The following DLG2 variants were observed in gnomAD, a reference collection of about 807,000 sequenced individuals.
The protein encoded by DLG2 is discs large MAGUK scaffold protein 2.
In DLG2, 45 loss-of-function variants were observed where a neutral mutation model predicts 132.5. The ratio of observed to expected loss-of-function variants is 0.34; its 90% CI spans 0.27 to 0.44. DLG2 has a LOEUF of 0.44. Among genes scored for constraint, DLG2 ranks in the 20% least tolerant of loss-of-function variants. The pLI is 1.00. For missense variants in DLG2, 1,045 were observed against 1,196.9 expected, an observed-to-expected ratio of 0.87 and a Z score of 1.87; for synonymous variants, 424 against 419.6, an observed-to-expected ratio of 1.01 and a Z score of -0.13.
At chr11:83,984,678 ATTT>A (rs201974720) in intron 11 of DLG2, among the ~76,000 whole-genome samples, 1 of 151,916 alleles carries the variant, frequency 6.6e-6, no homozygotes, top group Non-Finnish European at 1.5e-5. Flanking sequence ...AATGTAAAGA[ATTT>A]TTTTTCCATT....
At chr11:83,731,294 C>A (rs540907432) in intron 18 of DLG2, among the ~76,000 whole-genome samples, 6 of 152,162 alleles carry the variant, frequency 3.9e-5, no homozygotes, top group South Asian at 2.1e-4. Flanking sequence ...CCTCTCCCCC[C>A]AGCCCCTGAC....
chr11:83,589,578 T>C (rs1466179605), intron 19 of DLG2, among the ~76,000 whole-genome samples: 1 of 144,820 alleles, frequency 6.9e-6, no homozygotes, highest in Non-Finnish European at 1.5e-5. Flanking sequence ...AGAAACTGCA[T>C]CAACTAACGA....
chr11:83,553,511 T>C (rs2096444514), intron 19 of DLG2, among the ~76,000 whole-genome samples: 1 of 149,902 alleles, frequency 6.7e-6, no homozygotes, highest in African/African-American at 2.5e-5. Context: ...TGTGTGTGTG[T>C]GTGTGTGTGT....
rs546473399 is a variant in DLG2, at chr11:84,011,486, T to C, written c.920-30844A>G. Among the ~76,000 whole-genome samples the C allele has an allele frequency of 3.3e-5, 5 of 151,702 alleles. No individual in the cohort carries two copies. The East Asian group carries it at 9.7e-4, about 29-fold the overall frequency. On this transcript the variant is annotated intron_variant, in intron 11 of 27. Coordinates refer to ENST00000376104, the MANE Select transcript of DLG2 (RefSeq NM_001142699.3). Reference sequence around the variant, plus strand: ...GCCTCATCTCTAATAAATAAATAAATAAATTAATTAATTAATTAATAACAA... The same window carrying C: ...GCCTCATCTCTAATAAATAAATAAACAAATTAATTAATTAATTAATAACAA...
chr11:83,754,065 C>T (rs2093546475), intron 18 of DLG2, among the ~76,000 whole-genome samples: 1 of 149,868 alleles, frequency 6.7e-6, no homozygotes, highest in Admixed American at 6.6e-5. Context: ...TGCTTTTGCC[C>T]TAAACATGGA....
At chr11:84,330,077 C>A (rs2098451798) in intron 7 of DLG2, among the ~76,000 whole-genome samples, 1 of 152,048 alleles carries the variant, frequency 6.6e-6, no homozygotes, top group Admixed American at 6.6e-5. Flanking sequence ...TAGCACATTA[C>A]CTGGCACATA....
intron 7 of DLG2, among the ~76,000 whole-genome samples, chr11:84,287,776 A>ACT (rs2097926419): frequency 1.3e-5 from 2 of 151,000 alleles, no homozygotes; most frequent in Non-Finnish European, 1.5e-5. Context: ...ACACACACAC[A>ACT]CACAAATACT....
intron 3 of DLG2, among the ~76,000 whole-genome samples, chr11:85,447,178 G>A (rs1275371680): frequency 6.6e-6 from 1 of 152,088 alleles, no homozygotes; most frequent in Non-Finnish European, 1.5e-5. Flanking sequence ...CACCCATACT[G>A]ATAATCTAGC....
chr11:83,759,946 G>A (rs1290080331), intron 18 of DLG2, among the ~76,000 whole-genome samples: 1 of 152,110 alleles, frequency 6.6e-6, no homozygotes, highest in African/African-American at 2.4e-5. Context: ...TGAAGCTCCC[G>A]AAGATGTTTT....
rs370781950 is a variant in DLG2, at chr11:84,513,886, C to A, written c.519+20684G>T. Among the ~76,000 whole-genome samples the A allele has an allele frequency of 2.9e-3, 442 of 151,594 alleles. 2 individuals are homozygous for A. The highest frequency in any genetic ancestry group is 0.01 in the African/African-American group (432 of 41,332). On this transcript the variant is annotated intron_variant, in intron 7 of 27. Coordinates refer to ENST00000376104, the MANE Select transcript of DLG2 (RefSeq NM_001142699.3). ...AAAGCAACACAGCAAAGGAAACAAT[C>A]AAAAAAGTGAAGAGATAAACCACAA...
chr11:85,237,011 A>ACACAGAGCC (rs1491356196), intron 4 of DLG2, among the ~76,000 whole-genome samples: 2 of 152,088 alleles, frequency 1.3e-5, no homozygotes, highest in Non-Finnish European at 2.9e-5. Context: ...ATGTGTGGAG[A>ACACAGAGCC]CACAGAGCCC....
At chr11:83,646,811 G>A (rs542529012) in intron 18 of DLG2, 3 of 152,136 alleles carry the variant, frequency 2.0e-5, no homozygotes, top group African/African-American at 7.2e-5. Context: ...TGATATTCCA[G>A]GTGTGATCTA....
intron 3 of DLG2, among the ~76,000 whole-genome samples, chr11:85,587,817 C>T (rs1426096122): frequency 6.6e-6 from 1 of 152,102 alleles, no homozygotes; most frequent in Non-Finnish European, 1.5e-5. Flanking sequence ...TAACGAGGTT[C>T]TATTTTGGTG....
chr11:85,015,180 T>C (rs536802305), intron 6 of DLG2, among the ~76,000 whole-genome samples: 1 of 152,276 alleles, frequency 6.6e-6, no homozygotes, highest in African/African-American at 2.4e-5. Context: ...AAACTGAGTA[T>C]CTCCCTTTGT....
intron 3 of DLG2, among the ~76,000 whole-genome samples, chr11:85,544,525 G>T (rs185133428): frequency 2.6e-4 from 39 of 152,220 alleles, no homozygotes; most frequent in Admixed American, 2.1e-3. Context: ...CCAATTCTGG[G>T]AAAAAAGTCA....
At chr11:84,435,194 G>A (rs1046084308) in intron 7 of DLG2, among the ~76,000 whole-genome samples, 2 of 152,050 alleles carry the variant, frequency 1.3e-5, no homozygotes, top group Non-Finnish European at 2.9e-5. Flanking sequence ...AATACATTAT[G>A]TAAATTAATT....
intron 15 of DLG2, among the ~76,000 whole-genome samples, chr11:83,886,227 A>G (rs1280483180): frequency 6.6e-6 from 1 of 152,168 alleles, no homozygotes; most frequent in African/African-American, 2.4e-5. Context: ...AGACACATAT[A>G]GGCTCAAAAT....
At chr11:85,225,173 G>A (rs532089534) in intron 4 of DLG2, among the ~76,000 whole-genome samples, 61 of 152,100 alleles carry the variant, frequency 4.0e-4, no homozygotes, top group Admixed American at 5.9e-4. Context: ...ATGGAATGAT[G>A]GAGTAAGAAA....
intron 6 of DLG2, among the ~76,000 whole-genome samples, chr11:84,852,818 C>G (rs976269513): frequency 6.6e-6 from 1 of 151,822 alleles, no homozygotes; most frequent in African/African-American, 2.4e-5. Context: ...TTAAGGAGAA[C>G]AGTTTAATCT....
Sources: allele counts gnomAD v4.1 joint callset (sites outside exome capture counted in the v4.1 genomes callset), GRCh38; gene constraint gnomAD v4.1.1; transcripts MANE v1.5; gene names NCBI Gene and HGNC (gene_info 2026-07-23, HGNC 2026-07-21).